The following EXOC4 variants were observed in gnomAD, a reference collection of about 807,000 sequenced individuals.
EXOC4 encodes SEC8-like 1.
Under a neutral mutation model 107.2 loss-of-function variants are expected in EXOC4, and 71 were observed. The observed-to-expected ratio is 0.66, with a 90% CI of 0.55 to 0.81. EXOC4 has a LOEUF of 0.81. Ranked by LOEUF, EXOC4 falls within the 30% of genes least tolerant of loss-of-function variation. The pLI is 0.00. For missense variants in EXOC4, 1,108 were observed against 1,189.6 expected, an observed-to-expected ratio of 0.93 and a Z score of 1.01; for synonymous variants, 456 against 441.2, an observed-to-expected ratio of 1.03 and a Z score of -0.42.
chr7:133,885,011 T>C (rs1799050227), intron 11 of EXOC4, among the ~76,000 whole-genome samples: 5 of 152,084 alleles, frequency 3.3e-5, no homozygotes, highest in African/African-American at 1.2e-4. Context: ...CTTAGAACCA[T>C]GGGAATTAAG....
intron 10 of EXOC4, among the ~76,000 whole-genome samples, chr7:133,793,984 A>G (rs1296617513): frequency 6.6e-6 from 1 of 152,196 alleles, no homozygotes; most frequent in Non-Finnish European, 1.5e-5. Flanking sequence ...TTTCAGCCTT[A>G]CATTACCCTT....
chr7:134,057,920 G>A (rs1010146444), intron 17 of EXOC4, among the ~76,000 whole-genome samples: 9 of 152,192 alleles, frequency 5.9e-5, no homozygotes, highest in African/African-American at 2.2e-4. Flanking sequence ...TAGTAGCGAA[G>A]AATGAAAGAC....
chr7:134,070,373 TGAA>T (rs1353934729), downstream of EXOC4, among the ~76,000 whole-genome samples: 22 of 152,222 alleles, frequency 1.4e-4, no homozygotes, highest in African/African-American at 4.6e-4. Context: ...CCTGGAATTT[TGAA>T]GAGGTGTAGT....
At chr7:133,494,360 C>T (rs1799432855) in intron 9 of EXOC4, among the ~76,000 whole-genome samples, 1 of 152,084 alleles carries the variant, frequency 6.6e-6, no homozygotes, top group Non-Finnish European at 1.5e-5. Flanking sequence ...TACAGCTGAT[C>T]TGAAAGGGAA....
intron 9 of EXOC4, among the ~76,000 whole-genome samples, chr7:133,601,453 G>T (rs1801805780): frequency 6.6e-6 from 1 of 151,766 alleles, no homozygotes; most frequent in Non-Finnish European, 1.5e-5. Flanking sequence ...ATTCTAATAG[G>T]CCATAAATCA....
chr7:133,943,966 C>A (rs1585266955), intron 14 of EXOC4, among the ~76,000 whole-genome samples: 1 of 152,130 alleles, frequency 6.6e-6, no homozygotes, highest in East Asian at 1.9e-4. Context: ...GGTGGGGGTC[C>A]TGGGATTGAT....
the EXOC4 span, among the ~76,000 whole-genome samples, chr7:134,073,675 T>A: frequency 2.0e-5 from 3 of 150,608 alleles, no homozygotes; most frequent in Admixed American, 6.6e-5. Context: ...TTTTTTTTTT[T>A]AATTTTTAAA....
At chr7:133,358,550 T>C (rs1796072957) in intron 6 of EXOC4, among the ~76,000 whole-genome samples, 2 of 152,220 alleles carry the variant, frequency 1.3e-5, no homozygotes, top group South Asian at 4.1e-4. Flanking sequence ...TTTCTTTGCC[T>C]GGCACCTGGA....
intron 11 of EXOC4, among the ~76,000 whole-genome samples, chr7:133,855,220 C>T (rs951516297): frequency 6.8e-6 from 1 of 147,126 alleles, no homozygotes; most frequent in African/African-American, 2.6e-5. Flanking sequence ...CGGCTTACCC[C>T]AGACAATCAG....
chr7:133,581,690 A>G (rs948762210), intron 9 of EXOC4, among the ~76,000 whole-genome samples: 5 of 146,936 alleles, frequency 3.4e-5, no homozygotes, highest in Non-Finnish European at 7.4e-5. Flanking sequence ...CCCAAGAGGC[A>G]GAGCTTGCAG....
At chr7:133,698,454 C>T (rs1009347902) in intron 10 of EXOC4, among the ~76,000 whole-genome samples, 5 of 151,728 alleles carry the variant, frequency 3.3e-5, no homozygotes, top group African/African-American at 7.3e-5. Flanking sequence ...TAGTGGCGCC[C>T]GCCTTTAGTC....
chr7:133,453,257 T>C (rs1798388879), intron 7 of EXOC4, among the ~76,000 whole-genome samples: 2 of 152,230 alleles, frequency 1.3e-5, no homozygotes, highest in African/African-American at 4.8e-5. Context: ...GGCCAGCGTC[T>C]ATAGTAGGAA....
intron 17 of EXOC4, among the ~76,000 whole-genome samples, chr7:134,059,554 A>G (rs923245391): frequency 2.0e-5 from 3 of 152,230 alleles, no homozygotes; most frequent in African/African-American, 7.2e-5. Context: ...TGATAGGAGG[A>G]TAAATTGATA....
chr7:133,755,243 A>AATATATATATT (rs1461339849), intron 10 of EXOC4, among the ~76,000 whole-genome samples: 4 of 91,068 alleles, frequency 4.4e-5, no homozygotes, highest in African/African-American at 1.4e-4. Context: ...TAATATATAT[A>AATATATATATT]ATATATATAT....
intron 9 of EXOC4, 186 bp downstream of exon 9, chr7:133,480,324 A>C (rs1799124198): frequency 7.0e-7 from 1 of 1,421,486 alleles, no homozygotes. Context: ...TACTGTGGCC[A>C]TAGGACTTGT....
intron 14 of EXOC4, among the ~76,000 whole-genome samples, chr7:133,940,710 A>T (rs1800405765): frequency 6.6e-6 from 1 of 152,158 alleles, no homozygotes; most frequent in Admixed American, 6.5e-5. Context: ...TTCTCTGATA[A>T]TGGCTTACTT....
chr7:134,050,064 A>G (rs76298416), intron 17 of EXOC4, among the ~76,000 whole-genome samples: 27 of 152,320 alleles, frequency 1.8e-4, no homozygotes, highest in African/African-American at 6.5e-4. Context: ...GCAGAACAGT[A>G]TGTAAACACC....
At chr7:133,555,090 G>A (rs1223262121) in intron 9 of EXOC4, among the ~76,000 whole-genome samples, 1 of 152,120 alleles carries the variant, frequency 6.6e-6, no homozygotes, top group Non-Finnish European at 1.5e-5. Flanking sequence ...AAATAATAGT[G>A]AACAAATATT....
intron 10 of EXOC4, among the ~76,000 whole-genome samples, chr7:133,794,379 G>A (rs979404646): frequency 2.6e-5 from 4 of 152,114 alleles, no homozygotes; most frequent in African/African-American, 4.8e-5. Flanking sequence ...GCCACTGGCC[G>A]ACTAGCCCCT....
Sources: gnomAD v4.1 joint callset for allele counts (sites outside exome capture counted in the v4.1 genomes callset) on GRCh38, gnomAD v4.1.1 for gene constraint, MANE v1.5 for transcripts, NCBI Gene and HGNC (gene_info 2026-07-23, HGNC 2026-07-21) for gene names.